VIL1: variants seen among roughly 807,000 people sequenced by gnomAD.
VIL1 encodes villin 1.
A neutral mutation model predicts 104.0 loss-of-function variants in VIL1; 86 were observed. The observed-to-expected ratio is 0.83, with a 90% CI of 0.69 to 0.99. The LOEUF (loss-of-function observed/expected upper bound fraction) is 0.99. VIL1 is among the 50% of genes least tolerant of loss of function. VIL1 has a pLI of 0.00. For synonymous variants in VIL1, 394 were observed against 412.6 expected (o/e 0.95, Z 0.55); for missense variants, 944 against 1,054.1 (o/e 0.90, Z 1.45).
Position 218,432,154 on chromosome 2 carries a change from A to C in VIL1, c.1312A>C (p.Lys438Gln), listed in dbSNP as rs752248606. 6.2e-7 allele frequency: 1 copy of C among 1,613,888 alleles called. No homozygotes were observed. Among genetic ancestry groups the C allele is most frequent in the South Asian group, 1.1e-5 (1 of 91,076 alleles). The change falls in exon 12 of 20, where the codon AAG becomes CAG. Residue 438 changes from lysine to glutamine, a missense_variant. Coordinates refer to ENST00000248444, the MANE Select transcript of VIL1 (RefSeq NM_007127.3). ...GCTCTACACCTACCTCATCGGCGAG[A>C]AGCAGCATTACCTGCTCTACGTTTG... ...LLLYTYLIGE[K>Q]QHYLLYVWQG...
At chr2:218,431,598 C>T (rs568680931) in intron 10 of VIL1, among the ~76,000 whole-genome samples, 23 of 152,188 alleles carry the variant, frequency 1.5e-4, no homozygotes, top group East Asian at 3.9e-4. Context: ...GGGGTCAGGA[C>T]GTAGATCAAC....
intron 19 of VIL1, among the ~76,000 whole-genome samples, chr2:218,442,482 T>G (rs961658735): frequency 6.6e-6 from 1 of 152,144 alleles, no homozygotes; most frequent in African/African-American, 2.4e-5. Flanking sequence ...GACACTTTTT[T>G]TTAAATTTTA....
intron 7 of VIL1, 34 bp from the exon 8 acceptor site, chr2:218,429,563 C>T (rs200481180): frequency 6.2e-6 from 10 of 1,613,914 alleles, no homozygotes; most frequent in African/African-American, 1.3e-5. Flanking sequence ...GACTTGGGCC[C>T]CCTCCCCATC....
At position 218,436,510 on chromosome 2, in the gene VIL1, C is replaced by T. The variant is rs1309181096; in HGVS notation, c.1855C>T (p.Pro619Ser). The T allele has an allele frequency of 1.9e-6, 3 of 1,614,110 alleles. No individual in the cohort carries two copies. Among genetic ancestry groups the T allele is most frequent in the Non-Finnish European group, 2.5e-6 (3 of 1,180,014 alleles). The part of the protein sequence containing the change: ...RLQEENLVIT[P>S]RLFECSNKTG... ...ACAGGAAGAAAACCTGGTCATCACC[C>T]CCCGGCTCTTTGAGTGTTCCAACAA... The change falls in exon 16 of 20, where the codon CCC becomes TCC. Residue 619 changes from proline (P) to serine (S), a missense_variant. Pro to Ser is a moderately conservative substitution (Grantham distance 74, BLOSUM62 -1). Coordinates refer to ENST00000248444, the MANE Select transcript of VIL1 (RefSeq NM_007127.3).
rs1410765939 is a variant in VIL1, at chr2:218,451,179, A to C, written c.*1843A>C. ...AGAAGTCTATTTAGTTTTTGTATACACTTGCAAGAGTGCATTACTCAGTAT... is the reference window on the plus strand; with the variant it reads ...AGAAGTCTATTTAGTTTTTGTATACCCTTGCAAGAGTGCATTACTCAGTAT... On this transcript the variant is annotated 3_prime_UTR_variant, in exon 20 of 20. Coordinates refer to ENST00000248444, the MANE Select transcript of VIL1 (RefSeq NM_007127.3). 2 of 152,228 alleles carry C rather than the reference A, an allele frequency of 1.3e-5. No homozygotes were observed. The highest frequency in any genetic ancestry group is 2.9e-5 in the Non-Finnish European group (2 of 68,046). The allele number at this position is 152,228 out of a possible 1,614,324, so 9.4% of individuals were successfully genotyped here. A position where few individuals can be genotyped will look rare whatever the true frequency, so the allele number is the denominator to read the frequency against.
rs34676834 is a variant in VIL1, at chr2:218,438,926, A to ATTT, written c.2229+220_2229+222dup. On this transcript the variant is annotated intron_variant, in intron 18 of 19. Coordinates refer to ENST00000248444, the MANE Select transcript of VIL1 (RefSeq NM_007127.3). ...CAATTTCCTAGTGAAATGGTTCTCA[A>ATTT]TTTTTTTTTTTTTTTTTTTTTTGAG... 3.8e-3 allele frequency among the ~76,000 whole-genome samples: 412 copies of ATTT among 107,544 alleles called. 4 individuals carry two copies. The highest frequency in any genetic ancestry group is 6.0e-3 in the Middle Eastern group (1 of 166). 70.6% of individuals were successfully genotyped at this position (107,544 alleles called of 152,430 possible). A position where few individuals can be genotyped will look rare whatever the true frequency, so the allele number is the denominator to read the frequency against.
rs765227403 is a variant in VIL1, at chr2:218,434,679, T to G, written c.1654T>G (p.Ser552Ala). 12 of 1,613,846 alleles carry G rather than the reference T, an allele frequency of 7.4e-6. 1 individual carries two copies. The South Asian group carries it at 1.3e-4, about 18-fold the overall frequency. Residue 552 changes from serine (S) to alanine (A), a missense_variant, in exon 14 of 20, where the codon TCT becomes GCT. Ser to Ala is a moderately conservative substitution (Grantham distance 99). Coordinates refer to ENST00000248444, the MANE Select transcript of VIL1 (RefSeq NM_007127.3). ...SNDVFVLKTQ[S>A]CCYLWCGKGC... The stretch of plus-strand genomic sequence containing the variant: ...TGATGTCTTTGTCCTCAAGACCCAG[T>G]CTTGCTGCTATCTATGGTGTGGGAA...
chr2:218,434,526 G>C lies in VIL1; in HGVS notation c.1501G>C (p.Gly501Arg). 1 of 1,609,676 alleles carries C rather than the reference G, an allele frequency of 6.2e-7. No homozygotes were observed. Among genetic ancestry groups the C allele is most frequent in the South Asian group, 1.1e-5 (1 of 90,362 alleles). ...CCCTGTCTTCTGCCCTCACCTGCAG[G>C]GAGGCACCTCCCGAACTAACAACTT... is the stretch of plus-strand genomic sequence containing the variant. ...IFKGRMVVYQ[G>R]GTSRTNNLET... Residue 501 changes from glycine (G) to arginine (R), a missense_variant and splice_region_variant, in exon 14 of 20, where the codon GGA (glycine) becomes CGA (arginine). Transcript: ENST00000248444.
chr2:218,429,146 C>A, intron 6 of VIL1, 139 bp from the exon 7 acceptor site: 1 of 988,216 alleles, frequency 1.0e-6, no homozygotes, highest in Non-Finnish European at 1.5e-6. Flanking sequence ...TTGACCCCTC[C>A]GACGGGGAAA....
In VIL1 at chr2:218,431,853, C is replaced by T. The variant is rs1400712775; in HGVS notation, c.1103-4C>T. ...AGTTGGTTTCATGATTTCCCCCACT[C>T]TAGCCAAAGTGGAACAGGTGAAGTT... On this transcript the variant is annotated splice_polypyrimidine_tract_variant and splice_region_variant and intron_variant, in intron 10 of 19. Transcript: ENST00000248444. The T allele has an allele frequency of 6.2e-7, 1 of 1,612,176 alleles. No homozygotes were observed. Among genetic ancestry groups the T allele is most frequent in the South Asian group, 1.1e-5 (1 of 90,452 alleles).
chr2:218,450,912 CTTACTAATTGTGT>C lies in VIL1; in HGVS notation c.*1577_*1589del, dbSNP rs1407805067. The C allele has an allele frequency of 5.3e-5, 8 of 152,140 alleles. No individual in the cohort carries two copies. 9.4% of individuals were successfully genotyped at this position (152,140 alleles called of 1,614,324 possible). A position where few individuals can be genotyped will look rare whatever the true frequency, so the allele number is the denominator to read the frequency against. On this transcript the variant is annotated 3_prime_UTR_variant, in exon 20 of 20. Transcript: ENST00000248444. ...AGACATATAGCACACATGGAGACAA[CTTACTAATTGTGT>C]GTAAGTATGATACAATGAATGAGAC...
chr2:218,426,838 A>G (rs966508518), intron 4 of VIL1, among the ~76,000 whole-genome samples: 21 of 148,400 alleles, frequency 1.4e-4, no homozygotes, highest in South Asian at 2.2e-4. Flanking sequence ...TCCTGACCTC[A>G]TGATCTGCCC....
At chr2:218,425,235 C>T (rs1432796272) in intron 3 of VIL1, among the ~76,000 whole-genome samples, 1 of 152,130 alleles carries the variant, frequency 6.6e-6, no homozygotes, top group Non-Finnish European at 1.5e-5. Context: ...CATCTGCCCC[C>T]ACACCTGGCT....
In VIL1 at chr2:218,430,817, G is replaced by A; in HGVS notation, c.1041G>A (p.Gln347=). Residue 347 remains glutamine (Q), a synonymous_variant, in exon 10 of 20, where the codon CAG becomes CAA. Transcript: ENST00000248444. ...CGGCCGTCTTTCAGCAGCTCTTCCA[G>A]AAGTGGACAGCGTCCAACCGGACCT... The part of the protein sequence containing the change: ...AESAVFQQLF[Q]KWTASNRTSG... The A allele has an allele frequency of 6.2e-7, 1 of 1,614,046 alleles. No individual in the cohort carries two copies. The highest frequency in any genetic ancestry group is 8.5e-7 in the Non-Finnish European group (1 of 1,179,994).
At chr2:218,444,924 C>A (rs542517919) in intron 19 of VIL1, among the ~76,000 whole-genome samples, 1 of 152,248 alleles carries the variant, frequency 6.6e-6, no homozygotes, top group East Asian at 1.9e-4. Context: ...GGGTCAGAGT[C>A]CAGCAGTCTT....
intron 19 of VIL1, among the ~76,000 whole-genome samples, chr2:218,448,335 C>T (rs543603460): frequency 1.4e-4 from 22 of 152,004 alleles, no homozygotes; most frequent in African/African-American, 4.6e-4. Flanking sequence ...GAGGTCAAGG[C>T]GGGCAGATCA....
Position 218,442,176 on chromosome 2 carries a change from T to C in VIL1, c.2370+1314T>C, listed in dbSNP as rs150470360. Reference sequence around the variant, plus strand: ...AACATTTAGGAGGTAAAATCAATGATATTTGGTAATTACTGGATAAAGAGT... The same window carrying C: ...AACATTTAGGAGGTAAAATCAATGACATTTGGTAATTACTGGATAAAGAGT... On this transcript the variant is annotated intron_variant, in intron 19 of 19. Transcript: ENST00000248444. Among the ~76,000 whole-genome samples, 362 of 152,184 alleles carry C rather than the reference T, an allele frequency of 2.4e-3. 1 individual carries two copies. Among genetic ancestry groups the C allele is most frequent in the African/African-American group, 8.3e-3 (345 of 41,544 alleles).
In VIL1 at chr2:218,450,355, T is replaced by C. The variant is rs1336730501; in HGVS notation, c.*1019T>C. ...AACCGTAAAGGATACAGAGGAACAG[T>C]TCTGCTAAAACACAGATAAAAGTGC... On this transcript the variant is annotated 3_prime_UTR_variant, in exon 20 of 20. Transcript: ENST00000248444. 1 of 152,592 alleles carries C rather than the reference T, an allele frequency of 6.6e-6. No homozygotes were observed. Among genetic ancestry groups the C allele is most frequent in the Non-Finnish European group, 1.5e-5 (1 of 68,018 alleles). The allele number at this position is 152,592 out of a possible 1,614,324, so 9.5% of individuals were successfully genotyped here. A position where few individuals can be genotyped will look rare whatever the true frequency, so the allele number is the denominator to read the frequency against.
chr2:218,429,175 AC>A, intron 6 of VIL1, 109 bp from the exon 7 acceptor site: 1 of 1,284,538 alleles, frequency 7.8e-7, no homozygotes, highest in East Asian at 2.3e-5. Flanking sequence ...AGGGGTCTCA[AC>A]CCCTGTGGCT....
Sources: gnomAD v4.1 joint callset for allele counts (sites outside exome capture counted in the v4.1 genomes callset) on GRCh38, gnomAD v4.1.1 for gene constraint, MANE v1.5 for transcripts, NCBI Gene and HGNC (gene_info 2026-07-23, HGNC 2026-07-21) for gene names.